The following FOXRED2 variants were observed in gnomAD, a reference collection of about 807,000 sequenced individuals.
FOXRED2 encodes the protein FAD dependent oxidoreductase domain containing 2.
In FOXRED2, 32 loss-of-function variants were observed where a neutral mutation model predicts 52.5. The ratio of observed to expected loss-of-function variants is 0.61; its 90% CI spans 0.46 to 0.82. FOXRED2 has a LOEUF of 0.82. Among genes scored for constraint, FOXRED2 ranks in the 40% least tolerant of loss-of-function variants. FOXRED2 has a pLI of 0.00. For synonymous variants in FOXRED2, 405 were observed against 398.1 expected, an observed-to-expected ratio of 1.02 and a Z score of -0.21; for missense variants, 848 against 937.5, an observed-to-expected ratio of 0.90 and a Z score of 1.25.
At chr22:36,504,470 C>T (rs779385169) in intron 3 of FOXRED2, 45 bp downstream of exon 3, 11 of 1,610,650 alleles carry the variant, frequency 6.8e-6, no homozygotes, top group Non-Finnish European at 9.3e-6. Flanking sequence ...TCTTTCCACA[C>T]TCTGGGCTCC....
intron 1 of FOXRED2, 141 bp from the exon 2 acceptor site, chr22:36,506,564 T>A (rs1439503607): frequency 1.3e-6 from 1 of 770,794 alleles, no homozygotes; most frequent in East Asian, 2.9e-5. Context: ...CAGAGCTCAT[T>A]TGCCCGGACT....
intron 4 of FOXRED2, among the ~76,000 whole-genome samples, chr22:36,503,466 C>A (rs987596913): frequency 6.6e-6 from 1 of 151,512 alleles, no homozygotes; most frequent in African/African-American, 2.4e-5. Context: ...CCCACCACCA[C>A]GCTTGGTTAA....
chr22:36,498,305 G>A (rs1933958543), intron 5 of FOXRED2, 149 bp from the exon 6 acceptor site: 2 of 812,706 alleles, frequency 2.5e-6, no homozygotes, highest in Admixed American at 3.0e-5. Context: ...GTGAACACAT[G>A]AGGGGAGGAG....
chr22:36,494,850 G>A (rs1434496918), intron 7 of FOXRED2, among the ~76,000 whole-genome samples: 1 of 151,844 alleles, frequency 6.6e-6, no homozygotes, highest in Non-Finnish European at 1.5e-5. Flanking sequence ...TGTCGGCCAG[G>A]ATGGTCTCGA....
intron 7 of FOXRED2, among the ~76,000 whole-genome samples, chr22:36,495,215 T>C (rs564751428): frequency 3.3e-5 from 5 of 152,236 alleles, no homozygotes; most frequent in Admixed American, 6.5e-5. Flanking sequence ...TGCCTTGGTC[T>C]CTCAAAGTGC....
chr22:36,491,541 T>G (rs1343756713), intron 8 of FOXRED2, among the ~76,000 whole-genome samples: 8 of 152,118 alleles, frequency 5.3e-5, no homozygotes, highest in Admixed American at 3.3e-4. Flanking sequence ...TAGCTGAGAC[T>G]ACAGGTGCCC....
At chr22:36,499,347 G>A (rs893225990) in intron 5 of FOXRED2, among the ~76,000 whole-genome samples, 2 of 152,202 alleles carry the variant, frequency 1.3e-5, no homozygotes, top group African/African-American at 4.8e-5. Flanking sequence ...TAGGCATGGT[G>A]GCTCATGCCT....
chr22:36,506,290 T>C lies in FOXRED2; in HGVS notation c.133A>G (p.Met45Val), dbSNP rs768028917. The part of the protein sequence containing the change: ...VLGAGPAGLQ[M>V]AYFLQRAGRD... Reference sequence around the variant, plus strand: ...CCAGCGCGCTGCAGGAAGTAGGCCATCTGCAGGCCCGCGGGCCCAGCGCCC... The same window carrying C: ...CCAGCGCGCTGCAGGAAGTAGGCCACCTGCAGGCCCGCGGGCCCAGCGCCC... The change falls in exon 2 of 9, where the codon ATG becomes GTG. Residue 45 changes from methionine (M) to valine (V), a missense_variant. Physicochemically the swap from Met to Val is conservative, Grantham distance 21. Transcript: ENST00000397224. The C allele has an allele frequency of 5.6e-6, 9 of 1,592,946 alleles. No individual in the cohort carries two copies. The Admixed American group carries it at 1.2e-4, about 21-fold the overall frequency.
intron 8 of FOXRED2, among the ~76,000 whole-genome samples, chr22:36,493,095 A>G (rs1054445372): frequency 6.6e-6 from 1 of 152,150 alleles, no homozygotes; most frequent in Non-Finnish European, 1.5e-5. Context: ...CTTCCCACCC[A>G]TACCTGGCCC....
intron 4 of FOXRED2, among the ~76,000 whole-genome samples, chr22:36,501,781 G>C (rs1185039256): frequency 6.6e-6 from 1 of 152,116 alleles, no homozygotes; most frequent in Non-Finnish European, 1.5e-5. Context: ...TATTACAGTG[G>C]CACTTATTAC....
At chr22:36,493,579 A>C in intron 8 of FOXRED2, 54 bp downstream of exon 8, 1 of 1,524,574 alleles carries the variant, frequency 6.6e-7, no homozygotes, top group Non-Finnish European at 9.0e-7. Context: ...GGTCTCTGTG[A>C]CCTTTCTTCA....
At chr22:36,490,342 A>G (rs1009721409) in intron 8 of FOXRED2, 75 bp from the exon 9 acceptor site, 1 of 1,477,560 alleles carries the variant, frequency 6.8e-7, no homozygotes, top group East Asian at 2.3e-5. Context: ...GGAGCTGCCA[A>G]TGCCAGGTGT....
Position 36,504,231 on chromosome 22 carries a change from C to T in FOXRED2, c.916G>A (p.Glu306Lys). 6.2e-7 allele frequency: 1 copy of T among 1,614,208 alleles called. No individual in the cohort carries two copies. Among genetic ancestry groups the T allele is most frequent in the Non-Finnish European group, 8.5e-7 (1 of 1,180,042 alleles). The change falls in exon 4 of 9, where the codon GAA (glutamate) becomes AAA (lysine). Residue 306 changes from glutamate to lysine, a missense_variant. Physicochemically the swap from Glu to Lys is moderately conservative, Grantham distance 56. Coordinates refer to ENST00000397224, the MANE Select transcript of FOXRED2 (RefSeq NM_001102371.2). ...FHVTPKFFLE[E>K]ANTNQSADSI... ...TCGGCACTCTGGTTGGTGTTGGCTT[C>T]TTCCAGGAAGAATTTCGGGGTGACA...
intron 5 of FOXRED2, 27 bp from the exon 6 acceptor site, chr22:36,498,183 A>G: frequency 6.3e-7 from 1 of 1,596,026 alleles, no homozygotes; most frequent in South Asian, 1.1e-5. Context: ...GAGGAACGGC[A>G]CGCTGCACTT....
intron 2 of FOXRED2, 62 bp downstream of exon 2, chr22:36,505,834 G>T: frequency 6.5e-7 from 1 of 1,541,470 alleles, no homozygotes; most frequent in Non-Finnish European, 8.9e-7. Context: ...GGCCAATCAA[G>T]GTGTGTGGTT....
rs773262454 is a variant in FOXRED2, at chr22:36,504,711, A to T, written c.583T>A (p.Ser195Thr). Residue 195 changes from serine to threonine, a missense_variant, in exon 3 of 9, where the codon TCC (serine) becomes ACC (threonine). Coordinates refer to ENST00000397224, the MANE Select transcript of FOXRED2 (RefSeq NM_001102371.2). ...GACTCGTAACCCTCTGCATATTCGG[A>T]GCCAGGGAAGTCAACCTGGTTGGGG... ...SVPNQVDFPG[S>T]EYAEGYESVS... 3.1e-5 allele frequency: 50 copies of T among 1,613,980 alleles called. No individual in the cohort carries two copies. Among genetic ancestry groups the T allele is most frequent in the Non-Finnish European group, 3.6e-5 (42 of 1,180,026 alleles).
At position 36,506,235 on chromosome 22, in the gene FOXRED2, G is replaced by A. The variant is rs918503466; in HGVS notation, c.188C>T (p.Pro63Leu). 3 of 1,613,628 alleles carry A rather than the reference G, an allele frequency of 1.9e-6. No homozygotes were observed. Among genetic ancestry groups the A allele is most frequent in the Non-Finnish European group, 2.5e-6 (3 of 1,179,872 alleles). The change falls in exon 2 of 9, where the codon CCG (proline) becomes CTG (leucine). Residue 63 changes from proline (P) to leucine (L), a missense_variant. Coordinates refer to ENST00000397224, the MANE Select transcript of FOXRED2 (RefSeq NM_001102371.2). ...GRDYAVFERA[P>L]RPGSFFTRYP... ...GCGTGTGAAGAAGCTGCCGGGCCGC[G>A]GGGCCCGCTCGAACACTGCGTAGTC...
intron 8 of FOXRED2, 58 bp downstream of exon 8, chr22:36,493,575 T>C (rs1933814956): frequency 6.6e-7 from 1 of 1,509,326 alleles, no homozygotes; most frequent in Non-Finnish European, 9.1e-7. Flanking sequence ...CTTGGGTCTC[T>C]GTGACCTTTC....
At chr22:36,499,505 A>T (rs1304628099) in intron 5 of FOXRED2, among the ~76,000 whole-genome samples, 1 of 152,156 alleles carries the variant, frequency 6.6e-6, no homozygotes, top group Admixed American at 6.6e-5. Flanking sequence ...GCACGCCTGA[A>T]GTCCCAGCCA....
Sources: allele counts gnomAD v4.1 joint callset (sites outside exome capture counted in the v4.1 genomes callset), GRCh38; gene constraint gnomAD v4.1.1; transcripts MANE v1.5; gene names NCBI Gene and HGNC (gene_info 2026-07-23, HGNC 2026-07-21).